The following TENM3 variants were observed in gnomAD, a reference collection of about 807,000 sequenced individuals.
The protein encoded by TENM3 is teneurin transmembrane protein 3, also known as teneurin-3.
Under a neutral mutation model 255.1 loss-of-function variants are expected in TENM3, and 63 were observed. The observed-to-expected ratio is 0.25, with a 90% CI of 0.20 to 0.30. The LOEUF is 0.30. Ranked by LOEUF, TENM3 falls within the 10% of genes least tolerant of loss-of-function variation. The pLI, the probability that TENM3 is intolerant of heterozygous loss-of-function variation, is 1.00. For missense variants in TENM3, 2,929 were observed against 3,461.1 expected (o/e 0.85, Z 3.86); for synonymous variants, 1,306 against 1,322.3 (o/e 0.99, Z 0.27).
intron 3 of TENM3, among the ~76,000 whole-genome samples, chr4:182,419,174 T>G (rs1030081213): frequency 2.0e-5 from 3 of 152,206 alleles, no homozygotes; most frequent in African/African-American, 7.2e-5. Context: ...CCCATGATCT[T>G]ATTGAACTTT....
chr4:182,424,389 T>C (rs922623739), intron 3 of TENM3, among the ~76,000 whole-genome samples: 1 of 152,274 alleles, frequency 6.6e-6, no homozygotes, highest in South Asian at 2.1e-4. Context: ...TTAAAGTCAC[T>C]CTTTCTAGCA....
chr4:182,410,814 C>T (rs1273381592), intron 3 of TENM3, among the ~76,000 whole-genome samples: 1 of 152,104 alleles, frequency 6.6e-6, no homozygotes, highest in Non-Finnish European at 1.5e-5. Flanking sequence ...TTAGTTTTGA[C>T]ATATCATATT....
chr4:181,629,239 G>T, the TENM3 span, among the ~76,000 whole-genome samples: 1 of 152,180 alleles, frequency 6.6e-6, no homozygotes, highest in East Asian at 1.9e-4. Flanking sequence ...ATTTTGGGCT[G>T]AGACAATGGG....
chr4:182,409,646 G>T (rs548453361), intron 3 of TENM3, among the ~76,000 whole-genome samples: 2 of 152,176 alleles, frequency 1.3e-5, no homozygotes, highest in Non-Finnish European at 1.5e-5. Context: ...TTGTCAAATA[G>T]ATATTAGCTA....
At chr4:182,081,626 C>T in the TENM3 span, 1 of 149,460 alleles carries the variant, frequency 6.7e-6, no homozygotes. Flanking sequence ...AAGAAGAAGG[C>T]TGTCTCTGGT....
the TENM3 span, among the ~76,000 whole-genome samples, chr4:182,032,654 A>G: frequency 3.9e-4 from 59 of 152,320 alleles, no homozygotes; most frequent in African/African-American, 8.2e-4. Context: ...TACCTCTGGT[A>G]GAATTCAGTT....
chr4:181,651,984 G>T, the TENM3 span, among the ~76,000 whole-genome samples: 1 of 151,970 alleles, frequency 6.6e-6, no homozygotes, highest in African/African-American at 2.4e-5. Context: ...CTTTCAATTT[G>T]CCTTTTACAT....
chr4:182,699,143 G>A (rs1300712597), intron 12 of TENM3, among the ~76,000 whole-genome samples: 1 of 152,184 alleles, frequency 6.6e-6, no homozygotes, highest in Non-Finnish European at 1.5e-5. Context: ...TCTACCTCCT[G>A]TGGTCTAACT....
chr4:182,474,568 A>G (rs1039821507), intron 3 of TENM3, among the ~76,000 whole-genome samples: 1 of 152,200 alleles, frequency 6.6e-6, no homozygotes, highest in Non-Finnish European at 1.5e-5. Flanking sequence ...ACTGTCCCAG[A>G]TTGAAAATTA....
Position 182,281,051 on chromosome 4 carries a change from C to T in TENM3, c.-76+37575C>T, listed in dbSNP as rs1206364514. ...GTCGGGTAATTTCTCCTACAAACTC[C>T]TCCTGTTCCCCTTTAATAAAGTAAA... On this transcript the variant is annotated intron_variant, in intron 1 of 27. Transcript: ENST00000511685. Among the ~76,000 whole-genome samples the T allele has an allele frequency of 2.0e-5, 3 of 152,134 alleles. No homozygotes were observed. In the East Asian group the frequency reaches 5.8e-4, roughly 29 times the overall value.
At chr4:181,498,773 A>C in the TENM3 span, among the ~76,000 whole-genome samples, 8 of 152,204 alleles carry the variant, frequency 5.3e-5, no homozygotes, top group Non-Finnish European at 1.2e-4. Flanking sequence ...GGATTCAAGC[A>C]GATGTTTAAA....
chr4:182,108,859 T>C, the TENM3 span, among the ~76,000 whole-genome samples: 17 of 152,170 alleles, frequency 1.1e-4, no homozygotes, highest in Non-Finnish European at 2.5e-4. Flanking sequence ...TTAGTCTATT[T>C]TTATATTAGC....
At chr4:182,439,211 G>C (rs948543543) in intron 3 of TENM3, among the ~76,000 whole-genome samples, 1 of 152,184 alleles carries the variant, frequency 6.6e-6, no homozygotes, top group South Asian at 2.1e-4. Flanking sequence ...GACAGTAATT[G>C]AGTTTTCCTT....
chr4:182,362,036 T>C (rs1215112927), intron 3 of TENM3, among the ~76,000 whole-genome samples: 1 of 152,216 alleles, frequency 6.6e-6, no homozygotes, highest in Non-Finnish European at 1.5e-5. Flanking sequence ...ACAGTGGTTT[T>C]TCGTGAACCG....
chr4:181,857,478 C>A, the TENM3 span, among the ~76,000 whole-genome samples: 73 of 146,660 alleles, frequency 5.0e-4, no homozygotes, highest in Middle Eastern at 7.6e-3. Flanking sequence ...ATTTTGGGAG[C>A]CTGAGGCGGG....
chr4:181,641,108 C>T, the TENM3 span, among the ~76,000 whole-genome samples: 17 of 152,156 alleles, frequency 1.1e-4, no homozygotes, highest in Admixed American at 1.1e-3. Flanking sequence ...TTCTTCAATA[C>T]ATATAAAAGA....
chr4:182,359,771 G>A (rs1765830243), intron 3 of TENM3, among the ~76,000 whole-genome samples: 1 of 152,046 alleles, frequency 6.6e-6, no homozygotes, highest in African/African-American at 2.4e-5. Flanking sequence ...GCTTTTGAAT[G>A]TGTTTGGCTC....
the TENM3 span, among the ~76,000 whole-genome samples, chr4:181,552,670 G>A: frequency 0.31 from 46,431 of 152,000 alleles, 7,576 homozygotes; most frequent in African/African-American, 0.42. Context: ...GGGAAAATGG[G>A]CTTTATTATT....
chr4:181,772,959 TC>T, the TENM3 span, among the ~76,000 whole-genome samples: 1 of 152,160 alleles, frequency 6.6e-6, no homozygotes, highest in African/African-American at 2.4e-5. Flanking sequence ...CTAACACAGT[TC>T]ATTCTCTCAA....
Sources: gnomAD v4.1 joint callset for allele counts (sites outside exome capture counted in the v4.1 genomes callset) on GRCh38, gnomAD v4.1.1 for gene constraint, MANE v1.5 for transcripts, NCBI Gene and HGNC (gene_info 2026-07-23, HGNC 2026-07-21) for gene names.